The following WDFY1 variants were observed in gnomAD, a reference collection of about 807,000 sequenced individuals.
The protein encoded by WDFY1 is WD repeat and FYVE domain-containing protein 1.
WDFY1 carries 32 observed loss-of-function variants against 56.4 expected under a neutral mutation model. The observed-to-expected ratio is 0.57, with a 90% CI of 0.43 to 0.76. The LOEUF (loss-of-function observed/expected upper bound fraction) is 0.76, where lower values mean the gene tolerates loss of function less well. WDFY1 is among the 30% of genes least tolerant of loss of function. The probability of loss-of-function intolerance (pLI) is 0.00; values close to 1 mark genes in which losing one functional copy is unlikely to be tolerated. For missense variants in WDFY1, 480 were observed against 545.7 expected, an observed-to-expected ratio of 0.88 and a Z score of 1.20; for synonymous variants, 192 against 197.3, an observed-to-expected ratio of 0.97 and a Z score of 0.23.
intron 8 of WDFY1, among the ~76,000 whole-genome samples, chr2:223,892,364 A>G (rs1483050187): frequency 1.3e-5 from 2 of 152,226 alleles, no homozygotes; most frequent in Non-Finnish European, 2.9e-5. Flanking sequence ...TCAAAAAGAG[A>G]AATTAACCAG....
chr2:223,904,659 G>A (rs1693567801), intron 4 of WDFY1, among the ~76,000 whole-genome samples: 1 of 150,998 alleles, frequency 6.6e-6, no homozygotes, highest in Admixed American at 6.6e-5. Context: ...TCACCAAGAT[G>A]AACAACACAT....
At chr2:223,901,512 A>G (rs1361745101) in intron 4 of WDFY1, among the ~76,000 whole-genome samples, 179 bp from the exon 5 acceptor site, 1 of 152,164 alleles carries the variant, frequency 6.6e-6, no homozygotes, top group African/African-American at 2.4e-5. Context: ...ACAACTCACT[A>G]GCACAGGCTC....
At chr2:223,928,881 T>G (rs944821243) in intron 1 of WDFY1, among the ~76,000 whole-genome samples, 1 of 152,098 alleles carries the variant, frequency 6.6e-6, no homozygotes, top group African/African-American at 2.4e-5. Flanking sequence ...GGATTCAACG[T>G]GTCTGCAGAT....
chr2:223,902,045 G>T (rs918475309), intron 4 of WDFY1, among the ~76,000 whole-genome samples: 1 of 152,208 alleles, frequency 6.6e-6, no homozygotes, highest in Non-Finnish European at 1.5e-5. Context: ...AACTTTGCAT[G>T]TAGTAGATGT....
intron 1 of WDFY1, among the ~76,000 whole-genome samples, chr2:223,936,058 CTTTTTTTTTTTT>C (rs375847263): frequency 9.5e-6 from 1 of 105,654 alleles, no homozygotes; most frequent in Non-Finnish European, 1.8e-5. Context: ...TCCCAAAGTC[CTTTTTTTTTTTT>C]TTTTTTTTGG....
At chr2:223,937,377 T>C (rs1689204838) in intron 1 of WDFY1, among the ~76,000 whole-genome samples, 1 of 152,238 alleles carries the variant, frequency 6.6e-6, no homozygotes, top group East Asian at 1.9e-4. Flanking sequence ...AACACTTGTA[T>C]AGTGCTTTCT....
intron 1 of WDFY1, among the ~76,000 whole-genome samples, chr2:223,931,696 T>C (rs1356510355): frequency 6.8e-6 from 1 of 147,252 alleles, no homozygotes; most frequent in Non-Finnish European, 1.5e-5. Flanking sequence ...CTTTTTTTTT[T>C]TTTTTTTTGA....
chr2:223,919,653 G>T (rs1169589374), intron 1 of WDFY1, among the ~76,000 whole-genome samples: 1 of 152,198 alleles, frequency 6.6e-6, no homozygotes, highest in Non-Finnish European at 1.5e-5. Context: ...GGTATTAGAG[G>T]CATGAGCCAC....
intron 4 of WDFY1, among the ~76,000 whole-genome samples, chr2:223,903,058 G>A (rs1693530648): frequency 1.3e-5 from 2 of 152,032 alleles, no homozygotes; most frequent in South Asian, 4.1e-4. Flanking sequence ...ATACAGTCAT[G>A]CTTATTTTGC....
chr2:223,891,458 C>A (rs1185144329), intron 8 of WDFY1, among the ~76,000 whole-genome samples: 4 of 144,974 alleles, frequency 2.8e-5, no homozygotes, highest in African/African-American at 1.0e-4. Context: ...CCTTGCAATA[C>A]ATTTTCTCAG....
chr2:223,887,747 T>C (rs1693196759), intron 8 of WDFY1, among the ~76,000 whole-genome samples: 1 of 152,358 alleles, frequency 6.6e-6, no homozygotes, highest in African/African-American at 2.4e-5. Flanking sequence ...GATTAAATTT[T>C]CTATTTTTCT....
At chr2:223,914,664 A>G (rs1278685937) in intron 2 of WDFY1, among the ~76,000 whole-genome samples, 6 of 152,232 alleles carry the variant, frequency 3.9e-5, no homozygotes, top group South Asian at 2.1e-4. Flanking sequence ...GTCATAGATG[A>G]GCATGGATTG....
intron 2 of WDFY1, among the ~76,000 whole-genome samples, chr2:223,915,912 G>T (rs958950583): frequency 2.0e-5 from 3 of 152,120 alleles, no homozygotes; most frequent in African/African-American, 7.2e-5. Flanking sequence ...CTAAGACATT[G>T]GTTACTTCAT....
intron 1 of WDFY1, among the ~76,000 whole-genome samples, chr2:223,923,527 C>T (rs1425209344): frequency 5.3e-5 from 8 of 152,006 alleles, no homozygotes; most frequent in Admixed American, 1.3e-4. Context: ...TTTGGGAGGC[C>T]GAGGCGGGTG....
At chr2:223,905,715 A>G (rs1478038880) in intron 4 of WDFY1, among the ~76,000 whole-genome samples, 4 of 152,252 alleles carry the variant, frequency 2.6e-5, no homozygotes, top group Non-Finnish European at 5.9e-5. Context: ...CACATATCCA[A>G]TAATAAAAGA....
Position 223,905,903 on chromosome 2 carries a change from T to C in WDFY1, c.334+44A>G, listed in dbSNP as rs773410243. On this transcript the variant is annotated intron_variant, in intron 4 of 11. Coordinates refer to ENST00000233055, the MANE Select transcript of WDFY1 (RefSeq NM_020830.5). ...AGAGATGATGTTCTAGTTTTGTGTA[T>C]GTCTACATGTATGTGTACGCAAGAT... 7.6e-6 allele frequency: 10 copies of C among 1,323,304 alleles called. No individual in the cohort carries two copies. In the South Asian group the frequency reaches 9.7e-5, roughly 13 times the overall value. The allele number at this position is 1,323,304 out of a possible 1,614,324, so 82.0% of individuals were successfully genotyped here. A position where few individuals can be genotyped will look rare whatever the true frequency, so the allele number is the denominator to read the frequency against.
At chr2:223,925,789 T>G (rs1313446940) in intron 1 of WDFY1, among the ~76,000 whole-genome samples, 3 of 152,246 alleles carry the variant, frequency 2.0e-5, no homozygotes, top group African/African-American at 7.2e-5. Flanking sequence ...GCATCTTCAT[T>G]AGATGTTGAT....
intron 1 of WDFY1, among the ~76,000 whole-genome samples, chr2:223,918,991 A>G (rs946446995): frequency 6.6e-6 from 1 of 152,242 alleles, no homozygotes; most frequent in African/African-American, 2.4e-5. Context: ...CAAAATAGCC[A>G]AAGTTTAATA....
chr2:223,934,222 G>A (rs2053329), intron 1 of WDFY1, among the ~76,000 whole-genome samples: 124,904 of 151,098 alleles, frequency 0.83, 52,602 homozygotes, highest in Non-Finnish European at 0.93. Flanking sequence ...CCGAGTAGCT[G>A]GGACTACAGG....
Sources: gnomAD v4.1 joint callset for allele counts (sites outside exome capture counted in the v4.1 genomes callset) on GRCh38, gnomAD v4.1.1 for gene constraint, MANE v1.5 for transcripts, NCBI Gene and HGNC (gene_info 2026-07-23, HGNC 2026-07-21) for gene names.